Variants in ANKRD44 observed in about 807,000 individuals in gnomAD.
ANKRD44 encodes the protein ankyrin repeat domain 44, also known as serine/threonine-protein phosphatase 6 regulatory ankyrin repeat subunit B.
ANKRD44 carries 35 observed loss-of-function variants against 116.0 expected under a neutral mutation model. That is an observed-to-expected ratio of 0.30 (90% CI 0.23 to 0.40). The LOEUF (loss-of-function observed/expected upper bound fraction) is 0.40. Ranked by LOEUF, ANKRD44 falls within the 10% of genes least tolerant of loss-of-function variation. The pLI, the probability that ANKRD44 is intolerant of heterozygous loss-of-function variation, is 1.00. For synonymous variants in ANKRD44, 435 were observed against 461.8 expected (o/e 0.94, Z 0.74); for missense variants, 1,014 against 1,242.6 (o/e 0.82, Z 2.77).
chr2:197,022,504 C>T (rs1214770582), intron 17 of ANKRD44, among the ~76,000 whole-genome samples: 2 of 152,172 alleles, frequency 1.3e-5, no homozygotes, highest in East Asian at 3.9e-4. Context: ...ACTCCTGGCT[C>T]CCTCCACAAC....
chr2:197,303,714 C>T (rs1298806278), intron 1 of ANKRD44, among the ~76,000 whole-genome samples: 3 of 152,128 alleles, frequency 2.0e-5, no homozygotes, highest in African/African-American at 7.2e-5. Context: ...AAACAATTAT[C>T]GACTTAGTAA....
intron 16 of ANKRD44, among the ~76,000 whole-genome samples, chr2:197,070,417 T>TTTG (rs940280932): frequency 7.2e-5 from 11 of 152,058 alleles, no homozygotes; most frequent in Middle Eastern, 3.2e-3. Context: ...AGGAGAGTTT[T>TTTG]TTGTTGTTGT....
chr2:197,130,595 G>A (rs1430711418), intron 4 of ANKRD44, among the ~76,000 whole-genome samples: 4 of 152,110 alleles, frequency 2.6e-5, no homozygotes. Flanking sequence ...CTAAAGCTGG[G>A]TACCGCTTGT....
At chr2:197,211,091 A>G (rs1225591356) in intron 1 of ANKRD44, among the ~76,000 whole-genome samples, 1 of 152,128 alleles carries the variant, frequency 6.6e-6, no homozygotes, top group Non-Finnish European at 1.5e-5. Flanking sequence ...GCCATGACCT[A>G]GGCTGCAGCT....
Position 196,993,664 on chromosome 2 carries a change from C to T in ANKRD44, c.2842G>A (p.Val948Ile), listed in dbSNP as rs572226231. Residue 948 changes from valine (V) to isoleucine (I), a missense_variant, in exon 27 of 28, where the codon GTC (valine) becomes ATC (isoleucine). Transcript: ENST00000282272. The stretch of plus-strand genomic sequence containing the variant: ...ACCTTTAAGCCATTGCGCGCAGCGA[C>T]GTGGAGGGGTCTAAAAAACACAAGA... ...KNNALQTPLH[V>I]AARNGLKVVV... 25 of 1,550,816 alleles carry T rather than the reference C, an allele frequency of 1.6e-5. No homozygotes were observed. In the Admixed American group the frequency reaches 2.0e-4, roughly 12 times the overall value.
intron 2 of ANKRD44, among the ~76,000 whole-genome samples, chr2:197,159,396 C>T (rs2079902178): frequency 6.6e-6 from 1 of 152,174 alleles, no homozygotes. Context: ...TATGGGCATT[C>T]CTCACTTTCT....
chr2:197,299,037 A>C (rs2105903295), intron 1 of ANKRD44, among the ~76,000 whole-genome samples: 1 of 152,360 alleles, frequency 6.6e-6, no homozygotes, highest in South Asian at 2.1e-4. Context: ...TCAAATATCC[A>C]GTCAGTATTC....
intron 1 of ANKRD44, among the ~76,000 whole-genome samples, chr2:197,309,846 A>T (rs2105938919): frequency 6.6e-6 from 1 of 152,306 alleles, no homozygotes; most frequent in African/African-American, 2.4e-5. Context: ...TTCAGCAAAT[A>T]ACCCCACCTC....
intron 10 of ANKRD44, among the ~76,000 whole-genome samples, chr2:197,098,770 C>T (rs1050127374): frequency 1.3e-5 from 2 of 152,178 alleles, no homozygotes; most frequent in African/African-American, 2.4e-5. Flanking sequence ...ACTTAATCCT[C>T]ATAACAAACC....
intron 1 of ANKRD44, among the ~76,000 whole-genome samples, chr2:197,226,732 C>T (rs75410507): frequency 0.015 from 2,266 of 152,230 alleles, 72 homozygotes; most frequent in African/African-American, 0.052. Flanking sequence ...GTCCAACCAC[C>T]TCATTCCACA....
chr2:197,017,225 G>T lies in ANKRD44; in HGVS notation c.1723-3513C>A, dbSNP rs943488220. 3.9e-5 allele frequency among the ~76,000 whole-genome samples: 6 copies of T among 152,090 alleles called. No individual in the cohort carries two copies. The East Asian group carries it at 9.6e-4, about 24-fold the overall frequency. On this transcript the variant is annotated intron_variant, in intron 17 of 27. Transcript: ENST00000282272. ...AAAGAAGTTGCAAACAGTACTTAAA[G>T]CATGATCTCATTTATATACAAAGCA...
intron 6 of ANKRD44, among the ~76,000 whole-genome samples, chr2:197,123,509 T>C (rs2125331329): frequency 6.6e-6 from 1 of 152,352 alleles, no homozygotes. Context: ...CACATGCCTG[T>C]AGTCCCAGCT....
At chr2:197,040,207 C>T (rs757690575) in intron 16 of ANKRD44, among the ~76,000 whole-genome samples, 4 of 151,116 alleles carry the variant, frequency 2.6e-5, no homozygotes, top group Non-Finnish European at 4.4e-5. Context: ...TCACTGACTC[C>T]AGCCTGGGCA....
At chr2:197,016,130 G>T (rs1365811245) in intron 17 of ANKRD44, 2 of 326,248 alleles carry the variant, frequency 6.1e-6, no homozygotes, top group Middle Eastern at 7.6e-4. Context: ...GTAAAAATCT[G>T]CCACAGGAAT....
At chr2:197,197,953 T>C (rs1367612418) in intron 1 of ANKRD44, 8 of 152,038 alleles carry the variant, frequency 5.3e-5, no homozygotes, top group Admixed American at 3.9e-4. Context: ...TACGCACAGC[T>C]AGAATGTAAG....
chr2:197,177,980 A>G (rs2080407548), intron 2 of ANKRD44, among the ~76,000 whole-genome samples: 1 of 152,246 alleles, frequency 6.6e-6, no homozygotes, highest in Non-Finnish European at 1.5e-5. Flanking sequence ...TCTGGTTATT[A>G]TAAACCAGAT....
At chr2:197,175,767 G>A (rs1574204445) in intron 2 of ANKRD44, among the ~76,000 whole-genome samples, 1 of 152,292 alleles carries the variant, frequency 6.6e-6, no homozygotes, top group Admixed American at 6.5e-5. Context: ...TTTGGTGAAT[G>A]AATGAATGTA....
At chr2:197,298,624 G>A (rs1208429053) in intron 1 of ANKRD44, among the ~76,000 whole-genome samples, 2 of 152,130 alleles carry the variant, frequency 1.3e-5, no homozygotes, top group African/African-American at 4.8e-5. Flanking sequence ...TAGGTGCCCT[G>A]AGAAAATGCT....
intron 16 of ANKRD44, among the ~76,000 whole-genome samples, chr2:197,054,353 T>C (rs2077165141): frequency 6.6e-6 from 1 of 150,686 alleles, no homozygotes; most frequent in Non-Finnish European, 1.5e-5. Flanking sequence ...AACTTATGCA[T>C]ATGAAAGCAG....
Sources: allele counts gnomAD v4.1 joint callset (sites outside exome capture counted in the v4.1 genomes callset), GRCh38; gene constraint gnomAD v4.1.1; transcripts MANE v1.5; gene names NCBI Gene and HGNC (gene_info 2026-07-23, HGNC 2026-07-21).